The following DGKD variants were observed in gnomAD, a reference collection of about 807,000 sequenced individuals.
DGKD encodes the protein diacylglycerol kinase delta.
A neutral mutation model predicts 154.4 loss-of-function variants in DGKD; 68 were observed. The ratio of observed to expected loss-of-function variants is 0.44; its 90% CI spans 0.36 to 0.54. The LOEUF (loss-of-function observed/expected upper bound fraction) is 0.54, where lower values mean the gene tolerates loss of function less well. Ranked by LOEUF, DGKD falls within the 20% of genes least tolerant of loss-of-function variation. The pLI is 0.00. For missense variants in DGKD, 1,343 were observed against 1,593.6 expected (o/e 0.84, Z 2.68); for synonymous variants, 693 against 638.0 (o/e 1.09, Z -1.30).
Position 233,469,475 on chromosome 2 carries a change from G to C in DGKD, c.*15G>C, listed in dbSNP as rs984800625. 2 of 1,583,646 alleles carry C rather than the reference G, an allele frequency of 1.3e-6. No homozygotes were observed. Among genetic ancestry groups the C allele is most frequent in the Non-Finnish European group, 1.7e-6 (2 of 1,165,582 alleles). ...TCGAGGCCTAGCCTCTGTCCTCTCA[G>C]CCTGTGGCCTCCACATCCCCGCCGC... On this transcript the variant is annotated 3_prime_UTR_variant, in exon 30 of 30. Coordinates refer to ENST00000264057, the MANE Select transcript of DGKD (RefSeq NM_152879.3).
chr2:233,459,879 G>A lies in DGKD; in HGVS notation c.2817G>A (p.Leu939=). The A allele has an allele frequency of 6.2e-7, 1 of 1,613,886 alleles. No homozygotes were observed. The highest frequency in any genetic ancestry group is 8.5e-7 in the Non-Finnish European group (1 of 1,179,882). ...RIVHKNRAQT[L]TRDRAFESTL... ...TCCACAAGAACCGGGCACAGACACT[G>A]ACCAGAGACAGGGTAAGAGCGGCTG... Residue 939 remains leucine (L), a synonymous_variant, in exon 23 of 30, where the codon CTG becomes CTA. Transcript: ENST00000264057. The surrounding 1 kb of genome is among the most constrained non-coding windows in gnomAD (Gnocchi z 5.7).
chr2:233,395,809 C>T (rs922391882), intron 3 of DGKD, among the ~76,000 whole-genome samples: 6 of 152,068 alleles, frequency 3.9e-5, no homozygotes, highest in Non-Finnish European at 5.9e-5. Context: ...GTTCAGATTA[C>T]AGGCATGAGC....
At chr2:233,460,760 C>T (rs780130711) in intron 24 of DGKD, among the ~76,000 whole-genome samples, 1 of 152,048 alleles carries the variant, frequency 6.6e-6, no homozygotes, top group African/African-American at 2.4e-5. Flanking sequence ...GGTGTGGTGG[C>T]GGGCGCCTGT....
At chr2:233,397,303 G>C (rs1029404741) in intron 3 of DGKD, among the ~76,000 whole-genome samples, 4 of 95,430 alleles carry the variant, frequency 4.2e-5, no homozygotes, top group African/African-American at 1.8e-4. Flanking sequence ...GGGTGGCTGG[G>C]GGGGGGGCCA....
At position 233,457,247 on chromosome 2, in the gene DGKD, C is replaced by G; in HGVS notation, c.2499C>G (p.Pro833=). Residue 833 remains proline (P), a synonymous_variant, in exon 21 of 30, where the codon CCC becomes CCG. Transcript: ENST00000264057. The surrounding 1 kb of genome is among the most constrained non-coding windows in gnomAD (Gnocchi z 5.5). ...LECDGRPIPL[P]SLQGIAVLNI... Reference sequence around the variant, plus strand: ...GTGACGGGCGACCCATCCCACTCCCCAGTCTTCAGGGAATTGCTGTCCTTA... The same window carrying G: ...GTGACGGGCGACCCATCCCACTCCCGAGTCTTCAGGGAATTGCTGTCCTTA... 1.3e-6 allele frequency: 2 copies of G among 1,521,290 alleles called. No homozygotes were observed. Among genetic ancestry groups the G allele is most frequent in the Non-Finnish European group, 1.8e-6 (2 of 1,135,544 alleles). The allele number at this position is 1,521,290 out of a possible 1,614,324, so 94.2% of individuals were successfully genotyped here. A position where few individuals can be genotyped will look rare whatever the true frequency, so the allele number is the denominator to read the frequency against.
chr2:233,409,374 C>T (rs973983276), intron 3 of DGKD, among the ~76,000 whole-genome samples: 1 of 151,800 alleles, frequency 6.6e-6, no homozygotes, highest in Non-Finnish European at 1.5e-5. Flanking sequence ...TGAGAAAAGA[C>T]CTGGGGGGAA....
chr2:233,393,490 C>G (rs995909262), intron 3 of DGKD, among the ~76,000 whole-genome samples: 2 of 151,736 alleles, frequency 1.3e-5, no homozygotes, highest in Non-Finnish European at 2.9e-5. Context: ...GTGTGTCCCA[C>G]CACGCCTGGC....
chr2:233,425,719 AGGGGTTTTAGTG>A (rs1224287925), intron 3 of DGKD, among the ~76,000 whole-genome samples: 1 of 152,202 alleles, frequency 6.6e-6, no homozygotes, highest in Non-Finnish European at 1.5e-5. Flanking sequence ...GAGTAGCTTC[AGGGGTTTTAGTG>A]GCTGCATAGT....
At chr2:233,456,642 T>C (rs186929645) in intron 19 of DGKD, among the ~76,000 whole-genome samples, 1 of 152,350 alleles carries the variant, frequency 6.6e-6, no homozygotes, top group East Asian at 1.9e-4. Context: ...GTTTTAACTT[T>C]ATGTATTTAC....
chr2:233,409,028 T>A (rs2061756056), intron 3 of DGKD: 1 of 152,272 alleles, frequency 6.6e-6, no homozygotes, highest in Non-Finnish European at 1.5e-5. Context: ...GAGAAGATGC[T>A]GTCCTCTTCT....
chr2:233,354,779 C>A lies in DGKD; in HGVS notation c.156+105C>A. The A allele has an allele frequency of 1.6e-6, 1 of 632,832 alleles. No individual in the cohort carries two copies. Among genetic ancestry groups the A allele is most frequent in the Non-Finnish European group, 2.0e-6 (1 of 511,060 alleles). The allele number at this position is 632,832 out of a possible 1,614,324, so 39.2% of individuals were successfully genotyped here. A position where few individuals can be genotyped will look rare whatever the true frequency, so the allele number is the denominator to read the frequency against. On this transcript the variant is annotated intron_variant, in intron 1 of 29. Coordinates refer to ENST00000264057, the MANE Select transcript of DGKD (RefSeq NM_152879.3). The surrounding 1 kb of genome is among the most constrained non-coding windows in gnomAD (Gnocchi z 4.8). ...GCGGCCGCCCAGGCCCGGCTCGGCC[C>A]GGCCCGGGGTCCCGCGGGCGTCACC...
intron 18 of DGKD, among the ~76,000 whole-genome samples, chr2:233,453,792 TGCAGGA>T (rs772670870): frequency 1.4e-4 from 21 of 152,288 alleles, no homozygotes; most frequent in Middle Eastern, 6.8e-3. Context: ...CTGGGGGAGC[TGCAGGA>T]GCAGGACTTC....
rs547904593 is a variant in DGKD at position 233,356,459 on chromosome 2, T to C, written c.156+1785T>C. On this transcript the variant is annotated intron_variant, in intron 1 of 29. Transcript: ENST00000264057. The stretch of plus-strand genomic sequence containing the variant: ...AATGATACTGATAGGAGTTGCTTTC[T>C]CCTGTTGCCCAGGCAAGGTACTGAC... Among the ~76,000 whole-genome samples, 97 of 152,304 alleles carry C rather than the reference T, an allele frequency of 6.4e-4. 1 individual carries two copies. Among genetic ancestry groups the C allele is most frequent in the East Asian group, 9.6e-4 (5 of 5,190 alleles).
intron 3 of DGKD, among the ~76,000 whole-genome samples, chr2:233,395,283 A>G (rs1227512251): frequency 6.6e-6 from 1 of 151,892 alleles, no homozygotes; most frequent in Admixed American, 6.6e-5. Flanking sequence ...TAATCTTCCC[A>G]CTTCAGCCTT....
chr2:233,414,807 C>G (rs1372398650), intron 3 of DGKD, among the ~76,000 whole-genome samples: 1 of 152,156 alleles, frequency 6.6e-6, no homozygotes, highest in Non-Finnish European at 1.5e-5. Flanking sequence ...CCCTTCCATC[C>G]TGCAGGTGGA....
chr2:233,444,618 C>T (rs1161165598), intron 10 of DGKD, among the ~76,000 whole-genome samples: 1 of 148,300 alleles, frequency 6.7e-6, no homozygotes, highest in East Asian at 2.0e-4. Context: ...CTCAGACCCT[C>T]TGGGCACCCT....
chr2:233,383,241 GT>G (rs1470273984), intron 1 of DGKD, among the ~76,000 whole-genome samples: 1 of 151,932 alleles, frequency 6.6e-6, no homozygotes, highest in Non-Finnish European at 1.5e-5. Flanking sequence ...GGGTTTCGCT[GT>G]GTTGCCCAGG....
chr2:233,397,552 G>A (rs1264440614), intron 3 of DGKD, among the ~76,000 whole-genome samples: 1 of 148,680 alleles, frequency 6.7e-6, no homozygotes, highest in Non-Finnish European at 1.5e-5. Context: ...GGGGGGCAGA[G>A]TGAGAGGACA....
chr2:233,469,291 C>T, intron 29 of DGKD, 80 bp from the exon 30 acceptor site: 1 of 1,241,606 alleles, frequency 8.1e-7, no homozygotes, highest in Non-Finnish European at 1.2e-6. Context: ...ATGGGAAGGG[C>T]CGTTGTGGCA....
Sources: gnomAD v4.1 joint callset for allele counts (sites outside exome capture counted in the v4.1 genomes callset) on GRCh38, gnomAD v4.1.1 for gene constraint, Gnocchi (gnomAD v3.1) non-coding constraint, MANE v1.5 for transcripts, NCBI Gene and HGNC (gene_info 2026-07-23, HGNC 2026-07-21) for gene names.